The following ARFIP1 variants were observed in gnomAD, a reference collection of about 807,000 sequenced individuals.
ARFIP1 encodes the protein ARF interacting protein 1.
Under a neutral mutation model 42.5 loss-of-function variants are expected in ARFIP1, and 24 were observed. That is an observed-to-expected ratio of 0.57 (90% CI 0.41 to 0.80). The LOEUF is 0.80. Among genes scored for constraint, ARFIP1 ranks in the 30% least tolerant of loss-of-function variants. ARFIP1 has a pLI of 0.00. For synonymous variants in ARFIP1, 141 were observed against 153.7 expected, an observed-to-expected ratio of 0.92 and a Z score of 0.61; for missense variants, 354 against 434.0, an observed-to-expected ratio of 0.82 and a Z score of 1.64.
chr4:152,869,804 T>C lies in ARFIP1; in HGVS notation c.203-949T>C, dbSNP rs1734725991. On this transcript the variant is annotated intron_variant, in intron 3 of 8. Coordinates refer to ENST00000353617, the MANE Select transcript of ARFIP1 (RefSeq NM_001025595.3). ...GTAATTTGCCAGGGTGTTCCTGATA[T>C]CATGTGGTAGATAGAGCCAGAATTT... Among the ~76,000 whole-genome samples, 3 of 152,212 alleles carry C rather than the reference T, an allele frequency of 2.0e-5. No homozygotes were observed. In the South Asian group the frequency reaches 6.2e-4, roughly 31 times the overall value.
chr4:152,843,544 A>G (rs1052134751), intron 2 of ARFIP1, among the ~76,000 whole-genome samples: 6 of 152,090 alleles, frequency 3.9e-5, no homozygotes, highest in African/African-American at 1.4e-4. Context: ...AGGTAGGGGC[A>G]GGGCTAGTTG....
chr4:152,875,543 T>C (rs1388565686), intron 5 of ARFIP1, among the ~76,000 whole-genome samples: 1 of 152,134 alleles, frequency 6.6e-6, no homozygotes, highest in African/African-American at 2.4e-5. Flanking sequence ...TTTTAAACTT[T>C]CATGCCTGTT....
At chr4:152,790,120 T>A (rs995387230) in intron 1 of ARFIP1, among the ~76,000 whole-genome samples, 2 of 152,210 alleles carry the variant, frequency 1.3e-5, no homozygotes, top group African/African-American at 4.8e-5. Context: ...TATATGTAAC[T>A]ATATATATGT....
chr4:152,903,542 C>G (rs1438627124), intron 8 of ARFIP1, among the ~76,000 whole-genome samples: 2 of 151,170 alleles, frequency 1.3e-5, no homozygotes, highest in African/African-American at 4.9e-5. Context: ...CCTCAAAGGT[C>G]CCCTCTATAC....
At chr4:152,844,419 G>A (rs772938764) in intron 2 of ARFIP1, among the ~76,000 whole-genome samples, 1 of 152,232 alleles carries the variant, frequency 6.6e-6, no homozygotes, top group East Asian at 1.9e-4. Flanking sequence ...CAACATATCA[G>A]TATGAGTTAT....
chr4:152,826,894 C>A (rs905023813), intron 1 of ARFIP1, among the ~76,000 whole-genome samples: 7 of 152,096 alleles, frequency 4.6e-5, no homozygotes, highest in Non-Finnish European at 1.0e-4. Flanking sequence ...ATGGATAAAC[C>A]TTGAAGACAT....
chr4:152,796,616 GT>G, intron 1 of ARFIP1: 1 of 882,316 alleles, frequency 1.1e-6, no homozygotes, highest in Non-Finnish European at 1.9e-6. Flanking sequence ...TCATTCTTTT[GT>G]TTGGTGTTTC....
At chr4:152,804,499 T>A (rs1433693168) in intron 1 of ARFIP1, among the ~76,000 whole-genome samples, 9 of 126,058 alleles carry the variant, frequency 7.1e-5, no homozygotes, top group Admixed American at 4.9e-4. Flanking sequence ...TATATATATA[T>A]AATATATATA....
intron 1 of ARFIP1, chr4:152,809,970 A>G (rs1729318834): frequency 6.6e-6 from 1 of 152,220 alleles, no homozygotes. Context: ...GAACAACACT[A>G]AAAAAGGCAC....
rs145739616 is a variant in ARFIP1, at chr4:152,829,913, G to A, written c.93+187G>A. 4.7e-4 allele frequency among the ~76,000 whole-genome samples: 72 copies of A among 152,164 alleles called. 1 individual carries two copies. In the East Asian group the frequency reaches 0.014, roughly 29 times the overall value. ...GTAGTTTGTCAAGATTAAGCTCCAG[G>A]CCAGTAAACTATTAGGCTTTGGTTT... is the stretch of plus-strand genomic sequence containing the variant. On this transcript the variant is annotated intron_variant, in intron 2 of 8. Transcript: ENST00000353617.
At position 152,881,033 on chromosome 4, in the gene ARFIP1, A is replaced by AGATT; in HGVS notation, c.486_489dup (p.Ile164Ter). Reference sequence around the variant, plus strand: ...ACTGTGGACCTTGAACTTGAAGCTCAGATTGATATATTAAGGGATAACAAG... The same window carrying AGATT: ...ACTGTGGACCTTGAACTTGAAGCTCAGATTGATTGATATATTAAGGGATAACAAG... On this transcript the variant is annotated frameshift_variant, in exon 6 of 9. Transcript: ENST00000353617. LOFTEE classifies it high-confidence loss of function. The AGATT allele has an allele frequency of 6.2e-7, 1 of 1,613,908 alleles. No homozygotes were observed. The highest frequency in any genetic ancestry group is 8.5e-7 in the Non-Finnish European group (1 of 1,179,828).
In ARFIP1 at chr4:152,911,429, A is replaced by G. The variant is rs189238423; in HGVS notation, c.*1210A>G. On this transcript the variant is annotated 3_prime_UTR_variant, in exon 9 of 9. Coordinates refer to ENST00000353617, the MANE Select transcript of ARFIP1 (RefSeq NM_001025595.3). ...TGGTACCAGGAAGAAAGAGGATTGG[A>G]AAGGCCAGTACTGTTTTAGTTGCTC... 6.6e-6 allele frequency: 1 copy of G among 152,452 alleles called. No homozygotes were observed. Among genetic ancestry groups the G allele is most frequent in the African/African-American group, 2.4e-5 (1 of 41,582 alleles). The allele number at this position is 152,452 out of a possible 1,614,324, so 9.4% of individuals were successfully genotyped here. A position where few individuals can be genotyped will look rare whatever the true frequency, so the allele number is the denominator to read the frequency against.
intron 1 of ARFIP1, chr4:152,810,421 T>C (rs1179065408): frequency 6.6e-6 from 1 of 152,236 alleles, no homozygotes; most frequent in Non-Finnish European, 1.5e-5. Context: ...TACTGTCTTT[T>C]ACTGTTATCT....
chr4:152,899,073 T>A (rs1441480186), intron 8 of ARFIP1, among the ~76,000 whole-genome samples: 1 of 152,152 alleles, frequency 6.6e-6, no homozygotes, highest in East Asian at 1.9e-4. Context: ...CTCCAGCAGA[T>A]CTGGATACCT....
At chr4:152,889,606 CTA>C (rs1736581384) in intron 8 of ARFIP1, among the ~76,000 whole-genome samples, 1 of 107,672 alleles carries the variant, frequency 9.3e-6, no homozygotes, top group South Asian at 2.7e-4. Flanking sequence ...TATATATATA[CTA>C]TATATACATA....
intron 1 of ARFIP1, among the ~76,000 whole-genome samples, chr4:152,794,936 T>A (rs1731345686): frequency 6.6e-6 from 1 of 152,176 alleles, no homozygotes; most frequent in Non-Finnish European, 1.5e-5. Context: ...CCCCCATCTG[T>A]TTTTGAAGTT....
At chr4:152,891,625 T>C (rs1719577881) in intron 8 of ARFIP1, among the ~76,000 whole-genome samples, 1 of 152,218 alleles carries the variant, frequency 6.6e-6, no homozygotes, top group African/African-American at 2.4e-5. Context: ...TTTGTTAAAC[T>C]AGGTGAATTT....
In ARFIP1 at chr4:152,910,112, G is replaced by A. The variant is rs754778801; in HGVS notation, c.1015G>A (p.Ala339Thr). 12 of 1,614,012 alleles carry A rather than the reference G, an allele frequency of 7.4e-6. No homozygotes were observed. The highest frequency in any genetic ancestry group is 6.6e-5 in the South Asian group (6 of 91,084). ...GGTCCTTTTCCACAATGCCATTGCC[G>A]CTTACTTTGCTGGGAATCAGAAGCA... ...QLVLFHNAIA[A>T]YFAGNQKQLE... The change falls in exon 9 of 9, where the codon GCT (alanine) becomes ACT (threonine). Residue 339 changes from alanine (A) to threonine (T), a missense_variant. Physicochemically the swap from Ala to Thr is moderately conservative, Grantham distance 58. Transcript: ENST00000353617.
At chr4:152,878,449 A>G (rs1464446007) in intron 5 of ARFIP1, among the ~76,000 whole-genome samples, 1 of 152,248 alleles carries the variant, frequency 6.6e-6, no homozygotes, top group Non-Finnish European at 1.5e-5. Flanking sequence ...GAGTTGGGAA[A>G]TTGGTGGCAA....
Sources: allele counts gnomAD v4.1 joint callset (sites outside exome capture counted in the v4.1 genomes callset), GRCh38; gene constraint gnomAD v4.1.1; transcripts MANE v1.5; gene names NCBI Gene and HGNC (gene_info 2026-07-23, HGNC 2026-07-21).